The following ADGRB3 variants were observed in gnomAD, a reference collection of about 807,000 sequenced individuals.
ADGRB3 encodes the protein brain-specific angiogenesis inhibitor 3.
ADGRB3 carries 37 observed loss-of-function variants against 193.4 expected under a neutral mutation model. The observed-to-expected ratio is 0.19, with a 90% confidence interval of 0.15 to 0.25. The LOEUF is 0.25. Ranked by LOEUF, ADGRB3 falls within the 10% of genes least tolerant of loss-of-function variation. The pLI is 1.00. For synonymous variants in ADGRB3, 690 were observed against 644.2 expected (o/e 1.07, Z -1.08); for missense variants, 1,637 against 1,852.9 (o/e 0.88, Z 2.14).
intron 3 of ADGRB3, among the ~76,000 whole-genome samples, chr6:68,789,212 T>G (rs931458657): frequency 1.3e-4 from 20 of 152,122 alleles, no homozygotes; most frequent in African/African-American, 4.3e-4. Context: ...GTTAGCTGGT[T>G]ATTTTGCTCG....
At chr6:68,952,648 TAA>T (rs150321260) in intron 6 of ADGRB3, among the ~76,000 whole-genome samples, 1 of 151,390 alleles carries the variant, frequency 6.6e-6, no homozygotes, top group Admixed American at 6.6e-5. Flanking sequence ...TAAAGTATAA[TAA>T]AAAAAAATTA....
intron 10 of ADGRB3, among the ~76,000 whole-genome samples, chr6:68,975,934 G>A (rs1345755770): frequency 6.6e-6 from 1 of 152,096 alleles, no homozygotes; most frequent in Non-Finnish European, 1.5e-5. Context: ...TTTGAGCATA[G>A]TTACATTTTG....
intron 17 of ADGRB3, among the ~76,000 whole-genome samples, chr6:69,187,020 G>A (rs1401440898): frequency 1.3e-5 from 2 of 148,436 alleles, no homozygotes; most frequent in Non-Finnish European, 3.0e-5. Context: ...AACAATAATT[G>A]GAATGGTAAA....
chr6:69,169,335 T>C (rs1277849987), intron 17 of ADGRB3, among the ~76,000 whole-genome samples: 1 of 152,052 alleles, frequency 6.6e-6, no homozygotes, highest in Admixed American at 6.6e-5. Context: ...TCAATATAAC[T>C]TCGTATTAGA....
intron 15 of ADGRB3, among the ~76,000 whole-genome samples, chr6:69,060,206 GTCTC>G (rs1160918273): frequency 4.3e-5 from 3 of 69,724 alleles, no homozygotes; most frequent in Admixed American, 1.2e-4. Context: ...CTCTTTCTCT[GTCTC>G]TCTCTCTCTT....
At chr6:68,881,174 A>G (rs953811915) in intron 3 of ADGRB3, among the ~76,000 whole-genome samples, 2 of 62,616 alleles carry the variant, frequency 3.2e-5, no homozygotes, top group Non-Finnish European at 6.7e-5. Context: ...CATTCCTTAT[A>G]AAGTTTTTTT....
At chr6:69,185,746 C>G (rs535087217) in intron 17 of ADGRB3, among the ~76,000 whole-genome samples, 1 of 152,086 alleles carries the variant, frequency 6.6e-6, no homozygotes, top group Non-Finnish European at 1.5e-5. Context: ...TTATCATTGA[C>G]TTTTAAGTTG....
chr6:69,173,021 G>A (rs1018968355), intron 17 of ADGRB3, among the ~76,000 whole-genome samples: 2 of 104,812 alleles, frequency 1.9e-5, no homozygotes, highest in Non-Finnish European at 4.2e-5. Flanking sequence ...TGGGGTTTTG[G>A]TTTTTGTTTT....
chr6:69,100,888 AG>A (rs1773024694), intron 17 of ADGRB3, among the ~76,000 whole-genome samples: 4 of 6,418 alleles, frequency 6.2e-4, no homozygotes, highest in Admixed American at 2.7e-3. Flanking sequence ...AAGGGAGGGA[AG>A]GAAGGAAGGA....
chr6:69,365,631 A>G (rs1043284311), intron 29 of ADGRB3, among the ~76,000 whole-genome samples: 8 of 152,096 alleles, frequency 5.3e-5, no homozygotes, highest in Non-Finnish European at 8.8e-5. Flanking sequence ...CTTACCCAAA[A>G]TAGAAGATTT....
intron 3 of ADGRB3, among the ~76,000 whole-genome samples, chr6:68,641,309 A>G (rs905864356): frequency 3.9e-5 from 6 of 152,162 alleles, no homozygotes; most frequent in Non-Finnish European, 7.3e-5. Flanking sequence ...TTTTTTGATC[A>G]TGATCCCGAG....
chr6:68,876,241 T>A (rs868550602), intron 3 of ADGRB3, among the ~76,000 whole-genome samples: 1 of 152,106 alleles, frequency 6.6e-6, no homozygotes, highest in African/African-American at 2.4e-5. Flanking sequence ...TGTGAACTGC[T>A]GCCTTGTGAA....
chr6:68,803,997 A>C (rs1767358612), intron 3 of ADGRB3, among the ~76,000 whole-genome samples: 1 of 152,198 alleles, frequency 6.6e-6, no homozygotes. Context: ...GATATGGATC[A>C]TCCAGTACCT....
intron 20 of ADGRB3, among the ~76,000 whole-genome samples, chr6:69,277,052 G>A (rs1275986216): frequency 1.4e-5 from 2 of 146,710 alleles, no homozygotes; most frequent in African/African-American, 2.5e-5. Context: ...CTGGAGTGCA[G>A]TGGCGTGATC....
At chr6:68,810,424 G>A (rs1431101443) in intron 3 of ADGRB3, among the ~76,000 whole-genome samples, 1 of 152,186 alleles carries the variant, frequency 6.6e-6, no homozygotes, top group Non-Finnish European at 1.5e-5. Context: ...CAAAGTAGGT[G>A]CTTTTCAAAA....
chr6:69,151,789 G>A (rs1436893040), intron 17 of ADGRB3, among the ~76,000 whole-genome samples: 1 of 152,132 alleles, frequency 6.6e-6, no homozygotes, highest in Non-Finnish European at 1.5e-5. Flanking sequence ...ATATGGTTTG[G>A]CTGTGTCGCC....
At chr6:68,775,157 A>AAAAAAAAAG (rs1185977791) in intron 3 of ADGRB3, among the ~76,000 whole-genome samples, 1 of 151,700 alleles carries the variant, frequency 6.6e-6, no homozygotes, top group Non-Finnish European at 1.5e-5. Flanking sequence ...AAAAAAAAAA[A>AAAAAAAAAG]AAAAGTCTTT....
At chr6:69,206,044 G>GATAT (rs1561952181) in intron 17 of ADGRB3, among the ~76,000 whole-genome samples, 2 of 43,664 alleles carry the variant, frequency 4.6e-5, no homozygotes, top group South Asian at 1.8e-3. Flanking sequence ...ATATAATAAT[G>GATAT]GTATATATAT....
intron 17 of ADGRB3, among the ~76,000 whole-genome samples, chr6:69,141,405 G>A (rs1308146948): frequency 6.6e-6 from 1 of 151,988 alleles, no homozygotes; most frequent in Non-Finnish European, 1.5e-5. Flanking sequence ...TTACAGGCAT[G>A]AGCCACTGCG....
Sources: gnomAD v4.1 joint callset for allele counts (sites outside exome capture counted in the v4.1 genomes callset) on GRCh38, gnomAD v4.1.1 for gene constraint, MANE v1.5 for transcripts, NCBI Gene and HGNC (gene_info 2026-07-23, HGNC 2026-07-21) for gene names.